RNGTT: variants seen among roughly 807,000 people sequenced by gnomAD.
RNGTT encodes RNA guanylyltransferase and 5'-phosphatase.
A neutral mutation model predicts 79.3 loss-of-function variants in RNGTT; 33 were observed. The ratio of observed to expected loss-of-function variants is 0.42; its 90% CI spans 0.32 to 0.56. The LOEUF is 0.56. Among genes scored for constraint, RNGTT ranks in the 20% least tolerant of loss-of-function variants. The probability of loss-of-function intolerance (pLI) is 0.17; values close to 1 mark genes in which losing one functional copy is unlikely to be tolerated. For missense variants in RNGTT, 497 were observed against 739.1 expected (o/e 0.67, Z 3.80); for synonymous variants, 222 against 235.9 (o/e 0.94, Z 0.54).
At chr6:88,693,634 T>C (rs1048760055) in intron 13 of RNGTT, among the ~76,000 whole-genome samples, 5 of 152,032 alleles carry the variant, frequency 3.3e-5, no homozygotes, top group Non-Finnish European at 5.9e-5. Flanking sequence ...CTGATACCAA[T>C]GCCAGACAGA....
At chr6:88,832,099 C>CA (rs1372049498) in intron 11 of RNGTT, among the ~76,000 whole-genome samples, 2 of 152,198 alleles carry the variant, frequency 1.3e-5, no homozygotes, top group East Asian at 3.8e-4. Context: ...CTTTACATTT[C>CA]ATATGGAACC....
chr6:88,708,365 G>C (rs559490802), intron 13 of RNGTT, among the ~76,000 whole-genome samples: 12 of 152,226 alleles, frequency 7.9e-5, no homozygotes, highest in African/African-American at 2.6e-4. Flanking sequence ...TGTCCCAAGA[G>C]TAACAGCCCT....
intron 8 of RNGTT, among the ~76,000 whole-genome samples, chr6:88,872,989 A>G (rs1431165735): frequency 2.0e-5 from 3 of 152,188 alleles, no homozygotes; most frequent in Non-Finnish European, 4.4e-5. Flanking sequence ...CATACACACA[A>G]CACACAGGTT....
In RNGTT at chr6:88,761,636, T is replaced by A. The variant is rs1481063293; in HGVS notation, c.1439+8138A>T. 2.0e-5 allele frequency among the ~76,000 whole-genome samples: 3 copies of A among 152,292 alleles called. No individual in the cohort carries two copies. In the East Asian group the frequency reaches 5.8e-4, roughly 29 times the overall value. ...GGCAAACTATAGTCTACAGGCCACA[T>A]CTGGCCTCACACCTGTTTTTGTAAA... On this transcript the variant is annotated intron_variant, in intron 13 of 15. Coordinates refer to ENST00000369485, the MANE Select transcript of RNGTT (RefSeq NM_003800.5).
At chr6:88,755,675 T>C (rs1001164457) in intron 13 of RNGTT, among the ~76,000 whole-genome samples, 6 of 151,762 alleles carry the variant, frequency 4.0e-5, no homozygotes, top group East Asian at 1.9e-4. Flanking sequence ...GAAAAGAACA[T>C]CTTGAGGCTG....
At chr6:88,725,063 A>C (rs1776843389) in intron 13 of RNGTT, among the ~76,000 whole-genome samples, 1 of 152,214 alleles carries the variant, frequency 6.6e-6, no homozygotes, top group African/African-American at 2.4e-5. Flanking sequence ...GAGAATTAAA[A>C]AGAAAATTTT....
chr6:88,923,952 A>T (rs1039286523), intron 4 of RNGTT, among the ~76,000 whole-genome samples: 3 of 152,254 alleles, frequency 2.0e-5, no homozygotes, highest in Non-Finnish European at 2.9e-5. Flanking sequence ...TCCATGGCAC[A>T]GAGCAACGTG....
Position 88,611,095 on chromosome 6 carries a change from T to C in RNGTT, c.*1624A>G, listed in dbSNP as rs764717793. On this transcript the variant is annotated 3_prime_UTR_variant, in exon 16 of 16. Coordinates refer to ENST00000369485, the MANE Select transcript of RNGTT (RefSeq NM_003800.5). The stretch of plus-strand genomic sequence containing the variant: ...TAGTAAAAAACGTTACAATGGCGTT[T>C]TGGATAAATTCACTATACATTACAT... The C allele has an allele frequency of 3.9e-5, 6 of 152,216 alleles. No homozygotes were observed. 9.4% of individuals were successfully genotyped at this position (152,216 alleles called of 1,614,324 possible).
intron 14 of RNGTT, among the ~76,000 whole-genome samples, chr6:88,652,626 T>C (rs1219317497): frequency 6.6e-6 from 1 of 152,192 alleles, no homozygotes; most frequent in Non-Finnish European, 1.5e-5. Context: ...TGGATTTCTA[T>C]GATCTAGACT....
intron 14 of RNGTT, among the ~76,000 whole-genome samples, chr6:88,676,721 CAGTA>C (rs1774889432): frequency 6.6e-6 from 1 of 152,018 alleles, no homozygotes; most frequent in African/African-American, 2.4e-5. Context: ...GTTCAAAACT[CAGTA>C]AGAAAACAAA....
intron 13 of RNGTT, among the ~76,000 whole-genome samples, chr6:88,686,313 A>G (rs1775276438): frequency 6.6e-6 from 1 of 152,086 alleles, no homozygotes; most frequent in African/African-American, 2.4e-5. Flanking sequence ...CAACATGTTC[A>G]TAGGTAGGAA....
At chr6:88,639,300 A>G (rs1293949177) in intron 14 of RNGTT, among the ~76,000 whole-genome samples, 1 of 152,150 alleles carries the variant, frequency 6.6e-6, no homozygotes, top group Non-Finnish European at 1.5e-5. Context: ...CTGGGTTACT[A>G]TTAAAAGTTT....
chr6:88,927,649 C>A, intron 4 of RNGTT, among the ~76,000 whole-genome samples: 1 of 131,112 alleles, frequency 7.6e-6, no homozygotes, highest in Non-Finnish European at 1.6e-5. Flanking sequence ...GGAACAAGAG[C>A]AAAACTCCAT....
chr6:88,930,965 A>G (rs35001059), intron 2 of RNGTT, among the ~76,000 whole-genome samples: 14,692 of 152,182 alleles, frequency 0.097, 924 homozygotes, highest in Middle Eastern at 0.2. Context: ...AGATTCCCTA[A>G]ACTGAAATGC....
rs537227940 is a variant in RNGTT, at chr6:88,612,405, T to C, written c.*314A>G. 3.6e-5 allele frequency: 7 copies of C among 196,346 alleles called. No individual in the cohort carries two copies. Among genetic ancestry groups the C allele is most frequent in the Admixed American group, 1.2e-4 (2 of 17,330 alleles). 12.2% of individuals were successfully genotyped at this position (196,346 alleles called of 1,614,324 possible). A position where few individuals can be genotyped will look rare whatever the true frequency, so the allele number is the denominator to read the frequency against. On this transcript the variant is annotated 3_prime_UTR_variant, in exon 16 of 16. Transcript: ENST00000369485. ...AATTAAATGTGAAGCTACCCATATA[T>C]AAACAAGGCCTCTTTTTCATTGATT...
At chr6:88,835,315 G>T (rs950986605) in intron 11 of RNGTT, among the ~76,000 whole-genome samples, 3 of 152,010 alleles carry the variant, frequency 2.0e-5, no homozygotes, top group African/African-American at 7.2e-5. Context: ...TTCTTTGCAT[G>T]TTCTTTCACT....
intron 13 of RNGTT, among the ~76,000 whole-genome samples, chr6:88,704,259 C>CAAAAAAACAAA (rs1491478288): frequency 2.1e-5 from 1 of 48,736 alleles, no homozygotes; most frequent in African/African-American, 6.6e-5. Context: ...GACTCTGTCT[C>CAAAAAAACAAA]AAAAAAAAAA....
At chr6:88,892,063 T>C in intron 6 of RNGTT, 148 bp from the exon 7 acceptor site, 2 of 567,150 alleles carry the variant, frequency 3.5e-6, no homozygotes, top group South Asian at 5.7e-5. Context: ...GTCTGCTGTA[T>C]AAACTCCCCT....
intron 1 of RNGTT, among the ~76,000 whole-genome samples, chr6:88,946,019 C>T (rs1281890637): frequency 6.6e-6 from 1 of 152,174 alleles, no homozygotes; most frequent in South Asian, 2.1e-4. Context: ...GAGTTTTGGG[C>T]AGTTGTTTAT....
Sources: gnomAD v4.1 joint callset for allele counts (sites outside exome capture counted in the v4.1 genomes callset) on GRCh38, gnomAD v4.1.1 for gene constraint, MANE v1.5 for transcripts, NCBI Gene and HGNC (gene_info 2026-07-23, HGNC 2026-07-21) for gene names.